The following SPIRE1 variants were observed in gnomAD, a reference collection of about 807,000 sequenced individuals.
SPIRE1 encodes protein spire homolog 1.
In SPIRE1, 40 loss-of-function variants were observed where a neutral mutation model predicts 94.1. The ratio of observed to expected loss-of-function variants is 0.43; its 90% CI spans 0.33 to 0.55. The LOEUF (loss-of-function observed/expected upper bound fraction) is 0.55. Among genes scored for constraint, SPIRE1 ranks in the 20% least tolerant of loss-of-function variants. SPIRE1 has a pLI of 0.06. For missense variants in SPIRE1, 838 were observed against 975.2 expected, an observed-to-expected ratio of 0.86 and a Z score of 1.87; for synonymous variants, 376 against 371.7, an observed-to-expected ratio of 1.01 and a Z score of -0.13.
intron 6 of SPIRE1, among the ~76,000 whole-genome samples, chr18:12,505,567 A>C (rs1785351): frequency 6.6e-6 from 1 of 151,526 alleles, no homozygotes; most frequent in Admixed American, 6.6e-5. Flanking sequence ...AAAAAAAAAA[A>C]CAAAAAAACT....
At chr18:12,519,356 GCA>G (rs142657874) in intron 4 of SPIRE1, among the ~76,000 whole-genome samples, 4 of 150,798 alleles carry the variant, frequency 2.7e-5, no homozygotes, top group Non-Finnish European at 5.9e-5. Flanking sequence ...ACACACGCAC[GCA>G]CACACACACA....
chr18:12,573,358 T>C (rs956841802), intron 2 of SPIRE1, among the ~76,000 whole-genome samples: 10 of 151,872 alleles, frequency 6.6e-5, no homozygotes, highest in Admixed American at 2.0e-4. Context: ...TGTGGAGCAA[T>C]AGGAACTCTC....
At chr18:12,601,015 C>T (rs766179151) in intron 2 of SPIRE1, among the ~76,000 whole-genome samples, 3 of 152,148 alleles carry the variant, frequency 2.0e-5, no homozygotes, top group Non-Finnish European at 4.4e-5. Context: ...AGCCACTTTG[C>T]CTGGCCCATT....
At chr18:12,503,527 C>G (rs2033732600) in intron 6 of SPIRE1, among the ~76,000 whole-genome samples, 2 of 152,170 alleles carry the variant, frequency 1.3e-5, no homozygotes, top group Admixed American at 1.3e-4. Context: ...GCATTCTGTT[C>G]TATCCTCTAA....
intron 2 of SPIRE1, among the ~76,000 whole-genome samples, chr18:12,573,676 T>C (rs768569310): frequency 6.6e-6 from 1 of 152,182 alleles, no homozygotes; most frequent in Non-Finnish European, 1.5e-5. Context: ...ATCATATATC[T>C]GTCAAAACCC....
chr18:12,542,024 T>G (rs927004409), intron 3 of SPIRE1, among the ~76,000 whole-genome samples: 1 of 151,986 alleles, frequency 6.6e-6, no homozygotes, highest in East Asian at 1.9e-4. Flanking sequence ...CTGCCCAGGC[T>G]GGAGTGCACT....
At chr18:12,652,357 T>C (rs2144898154) in intron 1 of SPIRE1, among the ~76,000 whole-genome samples, 1 of 152,276 alleles carries the variant, frequency 6.6e-6, no homozygotes, top group Non-Finnish European at 1.5e-5. Context: ...CCTAATAAAC[T>C]TTCCCAAACA....
chr18:12,655,733 A>G (rs1022567107), intron 1 of SPIRE1, among the ~76,000 whole-genome samples: 3 of 152,196 alleles, frequency 2.0e-5, no homozygotes, highest in African/African-American at 7.2e-5. Context: ...GAATCTATCA[A>G]TCTTTGACAA....
intron 2 of SPIRE1, among the ~76,000 whole-genome samples, chr18:12,614,216 G>A (rs547251137): frequency 2.6e-5 from 4 of 152,104 alleles, no homozygotes; most frequent in South Asian, 2.1e-4. Context: ...AGCTATGATC[G>A]TACTATTGCA....
intron 2 of SPIRE1, among the ~76,000 whole-genome samples, chr18:12,598,701 T>C (rs1442182136): frequency 6.6e-6 from 1 of 152,146 alleles, no homozygotes; most frequent in Non-Finnish European, 1.5e-5. Flanking sequence ...TGATTGTCAC[T>C]GGCAATCACC....
At chr18:12,552,632 TA>T (rs1038340031) in intron 2 of SPIRE1, among the ~76,000 whole-genome samples, 4 of 152,060 alleles carry the variant, frequency 2.6e-5, no homozygotes, top group Admixed American at 1.3e-4. Context: ...GTTATTTGCA[TA>T]AAAAAAGCAC....
intron 10 of SPIRE1, among the ~76,000 whole-genome samples, chr18:12,467,890 G>A (rs1489676267): frequency 3.9e-5 from 6 of 151,986 alleles, no homozygotes; most frequent in East Asian, 3.9e-4. Flanking sequence ...TGGAGGTTGC[G>A]GTGAGCTGAG....
chr18:12,624,689 G>C (rs2037571998), intron 2 of SPIRE1, among the ~76,000 whole-genome samples: 1 of 151,084 alleles, frequency 6.6e-6, no homozygotes, highest in African/African-American at 2.4e-5. Flanking sequence ...ACAAAAATTA[G>C]CCAGGCATGG....
chr18:12,651,668 A>G (rs778064816), intron 1 of SPIRE1, among the ~76,000 whole-genome samples: 5 of 152,122 alleles, frequency 3.3e-5, no homozygotes, highest in Non-Finnish European at 7.3e-5. Context: ...GCGAGACTCC[A>G]TCTCAAAAAA....
intron 13 of SPIRE1, among the ~76,000 whole-genome samples, chr18:12,453,691 C>G (rs922544221): frequency 2.0e-5 from 3 of 152,158 alleles, no homozygotes; most frequent in African/African-American, 7.2e-5. Flanking sequence ...GCCTAGGCCG[C>G]CCAAAGTGCT....
At position 12,619,240 on chromosome 18, in the gene SPIRE1, G is replaced by A. The variant is rs369570785; in HGVS notation, c.372+15822C>T. 6.7e-4 allele frequency among the ~76,000 whole-genome samples: 102 copies of A among 152,326 alleles called. 1 individual carries two copies. The highest frequency in any genetic ancestry group is 3.4e-3 in the Middle Eastern group (1 of 294). On this transcript the variant is annotated intron_variant, in intron 2 of 16. Transcript: ENST00000409402. Reference sequence around the variant, plus strand: ...AATAAACAGCAAGAGGGCCGGGCATGGTGGCTCACGCCTGTAATCTCAGCA... The same window carrying A: ...AATAAACAGCAAGAGGGCCGGGCATAGTGGCTCACGCCTGTAATCTCAGCA...
At chr18:12,547,793 T>C (rs2035216562) in intron 2 of SPIRE1, among the ~76,000 whole-genome samples, 2 of 152,028 alleles carry the variant, frequency 1.3e-5, no homozygotes, top group Non-Finnish European at 2.9e-5. Context: ...ATTACAAAAA[T>C]GAGCTGGGCG....
chr18:12,469,995 G>A (rs2032287212), intron 10 of SPIRE1, among the ~76,000 whole-genome samples: 1 of 151,754 alleles, frequency 6.6e-6, no homozygotes, highest in African/African-American at 2.4e-5. Flanking sequence ...AGGCTGGAGT[G>A]CAGTGGTGCA....
At chr18:12,465,300 C>T (rs2032046248) in intron 10 of SPIRE1, among the ~76,000 whole-genome samples, 1 of 152,068 alleles carries the variant, frequency 6.6e-6, no homozygotes, top group Non-Finnish European at 1.5e-5. Context: ...CCTCAGACTC[C>T]AGTAGCCAGG....
Sources: allele counts gnomAD v4.1 joint callset (sites outside exome capture counted in the v4.1 genomes callset), GRCh38; gene constraint gnomAD v4.1.1; transcripts MANE v1.5; gene names NCBI Gene and HGNC (gene_info 2026-07-23, HGNC 2026-07-21).